MCTP1: variants seen among roughly 807,000 people sequenced by gnomAD.
The protein encoded by MCTP1 is multiple C2 and transmembrane domain containing 1.
In MCTP1, 69 loss-of-function variants were observed where a neutral mutation model predicts 120.6. The observed-to-expected ratio is 0.57, with a 90% CI of 0.47 to 0.70. The LOEUF (loss-of-function observed/expected upper bound fraction) is 0.70. Among genes scored for constraint, MCTP1 ranks in the 30% least tolerant of loss-of-function variants. The pLI is 0.00. For synonymous variants in MCTP1, 529 were observed against 493.1 expected, an observed-to-expected ratio of 1.07 and a Z score of -0.96; for missense variants, 1,203 against 1,248.8, an observed-to-expected ratio of 0.96 and a Z score of 0.55.
At chr5:94,736,659 A>C (rs1764326345) in intron 19 of MCTP1, among the ~76,000 whole-genome samples, 1 of 152,160 alleles carries the variant, frequency 6.6e-6, no homozygotes, top group Non-Finnish European at 1.5e-5. Context: ...ACACATACAT[A>C]CACACACACC....
chr5:95,196,683 C>CCTTA (rs1366555247), intron 1 of MCTP1, among the ~76,000 whole-genome samples: 4 of 152,104 alleles, frequency 2.6e-5, no homozygotes, highest in Non-Finnish European at 5.9e-5. Context: ...TAGCACTGGG[C>CCTTA]CTTAACAGGA....
At chr5:94,985,247 T>C (rs1423162524) in intron 2 of MCTP1, among the ~76,000 whole-genome samples, 1 of 152,182 alleles carries the variant, frequency 6.6e-6, no homozygotes. Flanking sequence ...GACAGGCCAG[T>C]AAGATAATTT....
rs909990507 is a variant in MCTP1 at position 95,052,815 on chromosome 5, T to A, written c.721-35331A>T. On this transcript the variant is annotated intron_variant, in intron 1 of 22. Coordinates refer to ENST00000515393, the MANE Select transcript of MCTP1 (RefSeq NM_024717.7). ...ATGTGTGTTTTCTAAACGTTTAAAT[T>A]TCATTAAGCTTGTTTTAAAAAATAA... 1.2e-4 allele frequency among the ~76,000 whole-genome samples: 19 copies of A among 152,356 alleles called. 5 individuals are homozygous for A. Among genetic ancestry groups the A allele is most frequent in the African/African-American group, 4.6e-4 (19 of 41,588 alleles).
At chr5:95,140,690 TACTAAAAAAAAAAA>T (rs2152437646) in intron 1 of MCTP1, among the ~76,000 whole-genome samples, 1 of 61,286 alleles carries the variant, frequency 1.6e-5, no homozygotes, top group Non-Finnish European at 2.9e-5. Flanking sequence ...ACCCTGTCCC[TACTAAAAAAAAAAA>T]AAAAAAAAAA....
chr5:94,757,640 T>C (rs555977868), intron 19 of MCTP1, among the ~76,000 whole-genome samples: 1 of 152,274 alleles, frequency 6.6e-6, no homozygotes, highest in East Asian at 1.9e-4. Context: ...GAAATGGAGA[T>C]TTCTAGCTCC....
rs1352061467 is a variant in MCTP1 at position 95,168,048 on chromosome 5, A to G, written c.720+115808T>C. On this transcript the variant is annotated intron_variant, in intron 1 of 22. Transcript: ENST00000515393. ...TTTTAGGTCTAACATTTAAGTCTTT[A>G]ATCCATCTTGAATTAATTTTTGTAT... Among the ~76,000 whole-genome samples, 4 of 152,272 alleles carry G rather than the reference A, an allele frequency of 2.6e-5. No individual in the cohort carries two copies. In the East Asian group the frequency reaches 7.7e-4, roughly 29 times the overall value.
chr5:95,234,536 T>C (rs977061609), intron 1 of MCTP1, among the ~76,000 whole-genome samples: 1 of 152,194 alleles, frequency 6.6e-6, no homozygotes, highest in Non-Finnish European at 1.5e-5. Flanking sequence ...AGGGAAAGAC[T>C]GAGGAAACGA....
intron 2 of MCTP1, among the ~76,000 whole-genome samples, chr5:94,956,734 G>A (rs556561061): frequency 2.0e-5 from 3 of 152,140 alleles, no homozygotes; most frequent in Non-Finnish European, 4.4e-5. Flanking sequence ...GAATGAAAAG[G>A]AATGAACAAA....
At chr5:95,196,381 C>G in intron 1 of MCTP1, among the ~76,000 whole-genome samples, 1 of 152,082 alleles carries the variant, frequency 6.6e-6, no homozygotes, top group Non-Finnish European at 1.5e-5. Context: ...AAACTGAGGC[C>G]TATGTATTGG....
chr5:95,195,446 G>A (rs545897794), intron 1 of MCTP1, among the ~76,000 whole-genome samples: 1 of 152,152 alleles, frequency 6.6e-6, no homozygotes, highest in Non-Finnish European at 1.5e-5. Context: ...AGCAATGGTG[G>A]GTAGCACAGG....
Position 94,710,830 on chromosome 5 carries a change from C to T in MCTP1, c.2818G>A (p.Val940Ile). The change falls in exon 21 of 23, where the codon GTC becomes ATC. Residue 940 changes from valine (V) to isoleucine (I), a missense_variant. Val to Ile is a conservative substitution (Grantham distance 29, BLOSUM62 3). Around this residue, in one of 2 missense-constraint regions of MCTP1, gnomAD observed 740 missense variants for 871.1 expected, o/e 0.85. Coordinates refer to ENST00000515393, the MANE Select transcript of MCTP1 (RefSeq NM_024717.7). ...AGGCTTTACTTACCCCAGACAAGGA[C>T]AATGTATCTCAGCGGAATGCAGTAC... ...ILYCIPLRYI[V>I]LVWGINKFTK... 1 of 1,611,236 alleles carries T rather than the reference C, an allele frequency of 6.2e-7. No homozygotes were observed. The highest frequency in any genetic ancestry group is 2.2e-5 in the East Asian group (1 of 44,798).
chr5:94,938,760 A>G (rs1816823220), intron 5 of MCTP1, among the ~76,000 whole-genome samples: 1 of 152,064 alleles, frequency 6.6e-6, no homozygotes, highest in African/African-American at 2.4e-5. Context: ...CACAAAATGC[A>G]CATTTATAAT....
In MCTP1 at chr5:95,129,610, T is replaced by C. The variant is rs1438409946; in HGVS notation, c.721-112126A>G. Among the ~76,000 whole-genome samples the C allele has an allele frequency of 3.9e-5, 6 of 152,282 alleles. No individual in the cohort carries two copies. In the East Asian group the frequency reaches 1.2e-3, roughly 29 times the overall value. On this transcript the variant is annotated intron_variant, in intron 1 of 22. Coordinates refer to ENST00000515393, the MANE Select transcript of MCTP1 (RefSeq NM_024717.7). ...AGTAGAGAAGATCAATGTAGACAGA[T>C]TTATTCAATCCTTGAGGGCTCAGAG...
intron 1 of MCTP1, among the ~76,000 whole-genome samples, chr5:95,233,431 C>T (rs530517774): frequency 1.3e-5 from 2 of 151,984 alleles, no homozygotes; most frequent in Non-Finnish European, 2.9e-5. Context: ...TGGGTTCATG[C>T]CATTCTTCTG....
At chr5:94,961,572 A>G (rs1824202173) in intron 2 of MCTP1, among the ~76,000 whole-genome samples, 2 of 152,204 alleles carry the variant, frequency 1.3e-5, no homozygotes, top group Non-Finnish European at 1.5e-5. Context: ...TCACATATGT[A>G]CAATATATAT....
intron 1 of MCTP1, among the ~76,000 whole-genome samples, chr5:95,029,600 C>G (rs535540759): frequency 2.0e-5 from 3 of 146,708 alleles, no homozygotes; most frequent in South Asian, 4.5e-4. Flanking sequence ...CCAAAGAACT[C>G]AGACCCCATG....
rs550966615 is a variant in MCTP1, at chr5:94,946,448, A to G, written c.982-4021T>C. Reference sequence around the variant, plus strand: ...AGTCAGTGTCCATGGAACCATATGGATCTTCAAAGAGAAAAATTGGGAGCC... The same window carrying G: ...AGTCAGTGTCCATGGAACCATATGGGTCTTCAAAGAGAAAAATTGGGAGCC... On this transcript the variant is annotated intron_variant, in intron 3 of 22. Coordinates refer to ENST00000515393, the MANE Select transcript of MCTP1 (RefSeq NM_024717.7). Among the ~76,000 whole-genome samples the G allele has an allele frequency of 8.7e-4, 132 of 152,262 alleles. 1 individual carries two copies. The highest frequency in any genetic ancestry group is 3.1e-3 in the African/African-American group (129 of 41,554).
In MCTP1 at chr5:95,190,436, T is replaced by G. The variant is rs1396869848; in HGVS notation, c.720+93420A>C. Among the ~76,000 whole-genome samples, 3 of 152,142 alleles carry G rather than the reference T, an allele frequency of 2.0e-5. No individual in the cohort carries two copies. The South Asian group carries it at 6.2e-4, about 31-fold the overall frequency. The stretch of plus-strand genomic sequence containing the variant: ...ATAAATTCTTCACTATCAAAAACAA[T>G]GCACCACTATCTTTATGAATTTTCT... On this transcript the variant is annotated intron_variant, in intron 1 of 22. Coordinates refer to ENST00000515393, the MANE Select transcript of MCTP1 (RefSeq NM_024717.7).
intron 7 of MCTP1, among the ~76,000 whole-genome samples, chr5:94,919,624 T>C (rs938748434): frequency 3.3e-5 from 5 of 152,194 alleles, no homozygotes; most frequent in African/African-American, 1.2e-4. Context: ...AGGGTGCATG[T>C]GCTTTTATTT....
Sources: allele counts gnomAD v4.1 joint callset (sites outside exome capture counted in the v4.1 genomes callset), GRCh38; gene constraint gnomAD v4.1.1; regional missense constraint gnomAD v4.1.1; transcripts MANE v1.5; gene names NCBI Gene and HGNC (gene_info 2026-07-23, HGNC 2026-07-21).